The following CBL variants were observed in gnomAD, a reference collection of about 807,000 sequenced individuals.
CBL encodes the protein Cbl proto-oncogene, also known as E3 ubiquitin-protein ligase CBL.
In CBL, 45 loss-of-function variants were observed where a neutral mutation model predicts 96.9. The ratio of observed to expected loss-of-function variants is 0.46; its 90% CI spans 0.37 to 0.60. CBL has a LOEUF of 0.60. Ranked by LOEUF, CBL falls within the 20% of genes least tolerant of loss-of-function variation. The pLI is 0.00. For synonymous variants in CBL, 420 were observed against 426.8 expected (o/e 0.98, Z 0.20); for missense variants, 1,024 against 1,143.5 (o/e 0.90, Z 1.51).
intron 1 of CBL, among the ~76,000 whole-genome samples, chr11:119,224,047 C>T (rs1949435094): frequency 6.6e-6 from 1 of 152,106 alleles, no homozygotes; most frequent in South Asian, 2.1e-4. Context: ...GTGCTGATTT[C>T]CCTGGTCATG....
In CBL at chr11:119,285,207, C is replaced by A; in HGVS notation, c.1582C>A (p.His528Asn). The part of the protein sequence containing the change: ...TASKAASGSL[H>N]KDKPLPVPPT... ...TCCACAGGCTGCTTCTGGCTCCCTT[C>A]ATAAAGACAAACCATTGCCAGTACC... The change falls in exon 11 of 16, where the codon CAT (histidine) becomes AAT (asparagine). Residue 528 changes from histidine (H) to asparagine (N), a missense_variant. Physicochemically the swap from His to Asn is moderately conservative, Grantham distance 68. Transcript: ENST00000264033. The A allele has an allele frequency of 6.2e-7, 1 of 1,614,190 alleles. No homozygotes were observed. The highest frequency in any genetic ancestry group is 8.5e-7 in the Non-Finnish European group (1 of 1,180,040).
rs2135304829 is a variant in CBL at position 119,278,667 on chromosome 11, G to C, written c.1385G>C (p.Arg462Pro). Residue 462 changes from arginine to proline, a missense_variant, in exon 9 of 16, where the codon CGA becomes CCA. This residue lies in a region of CBL where 695 missense variants were observed against 661.6 expected (regional missense o/e 1.05). Coordinates refer to ENST00000264033, the MANE Select transcript of CBL (RefSeq NM_005188.4). ...AATTATGATGATGATGATGATGAAC[G>C]AGCTGATGATACTCTCTTCATGATG... ...SPNYDDDDDE[R>P]ADDTLFMMKE... The C allele has an allele frequency of 6.2e-7, 1 of 1,613,922 alleles. No individual in the cohort carries two copies. Among genetic ancestry groups the C allele is most frequent in the Non-Finnish European group, 8.5e-7 (1 of 1,179,982 alleles).
intron 2 of CBL, among the ~76,000 whole-genome samples, chr11:119,236,599 A>G (rs975139477): frequency 1.2e-5 from 1 of 82,584 alleles, no homozygotes; most frequent in African/African-American, 5.1e-5. Context: ...TTTTGAGTAT[A>G]TATATATATA....
chr11:119,207,677 T>C (rs1949282631), intron 1 of CBL, among the ~76,000 whole-genome samples: 1 of 152,234 alleles, frequency 6.6e-6, no homozygotes, highest in Non-Finnish European at 1.5e-5. Flanking sequence ...CAGAATTCAA[T>C]ACGTTTTCTT....
rs59099916 is a variant in CBL, at chr11:119,277,241, G to GCACACACA, written c.1008-493_1008-486dup. The stretch of plus-strand genomic sequence containing the variant: ...CAAAAAAAAAATAAGAATCTGTCGC[G>GCACACACA]CACACACACACACACACACACACAC... On this transcript the variant is annotated intron_variant, in intron 6 of 15. Coordinates refer to ENST00000264033, the MANE Select transcript of CBL (RefSeq NM_005188.4). Among the ~76,000 whole-genome samples the GCACACACA allele has an allele frequency of 7.4e-3, 1,080 of 146,464 alleles. 15 individuals are homozygous for GCACACACA. The highest frequency in any genetic ancestry group is 0.025 in the African/African-American group (975 of 39,324).
intron 2 of CBL, among the ~76,000 whole-genome samples, chr11:119,259,839 A>G (rs1008395209): frequency 2.2e-4 from 33 of 152,216 alleles, no homozygotes; most frequent in South Asian, 2.1e-4. Flanking sequence ...TACCTGTCAC[A>G]TGGATTTATT....
At chr11:119,271,943 C>CT (rs1403720233) in intron 3 of CBL, 62 bp downstream of exon 3, 15 of 1,485,432 alleles carry the variant, frequency 1.0e-5, no homozygotes, top group Non-Finnish European at 1.3e-5. Context: ...TTTTTCTTTA[C>CT]TTTTTTACTA....
At chr11:119,240,367 AG>A (rs1236322151) in intron 2 of CBL, among the ~76,000 whole-genome samples, 6 of 152,182 alleles carry the variant, frequency 3.9e-5, no homozygotes, top group African/African-American at 7.2e-5. Flanking sequence ...GGTAAGCCTC[AG>A]GAACAACTGA....
intron 1 of CBL, among the ~76,000 whole-genome samples, chr11:119,218,688 C>T (rs1949382935): frequency 6.6e-6 from 1 of 152,146 alleles, no homozygotes; most frequent in South Asian, 2.1e-4. Context: ...ACCTAGTAGT[C>T]ATCTTGATTC....
rs143203293 is a variant in CBL at position 119,303,232 on chromosome 11, C to T, written c.*3451C>T. 223 of 231,902 alleles carry T rather than the reference C, an allele frequency of 9.6e-4. No individual in the cohort carries two copies. Among genetic ancestry groups the T allele is most frequent in the African/African-American group, 4.2e-3 (192 of 45,382 alleles). The allele number at this position is 231,902 out of a possible 1,614,324, so 14.4% of individuals were successfully genotyped here. ...AGCAGAATATTCTCCTACCTCACGT[C>T]ATTAAAGTCAGAAGATTATAGACCT... On this transcript the variant is annotated 3_prime_UTR_variant, in exon 16 of 16. Coordinates refer to ENST00000264033, the MANE Select transcript of CBL (RefSeq NM_005188.4).
intron 2 of CBL, among the ~76,000 whole-genome samples, chr11:119,247,637 C>G (rs1565863916): frequency 6.6e-6 from 1 of 152,070 alleles, no homozygotes; most frequent in Admixed American, 6.6e-5. Context: ...ATGGTGAAAC[C>G]CTGTCTCTAC....
chr11:119,219,405 AAT>A (rs1240718386), intron 1 of CBL, among the ~76,000 whole-genome samples: 6 of 151,868 alleles, frequency 4.0e-5, no homozygotes, highest in Non-Finnish European at 8.8e-5. Flanking sequence ...GAAAGAAAGA[AAT>A]CATACTAGGC....
At chr11:119,215,020 A>C (rs1949347623) in intron 1 of CBL, among the ~76,000 whole-genome samples, 1 of 151,910 alleles carries the variant, frequency 6.6e-6, no homozygotes. Context: ...GCCTATGAAA[A>C]GCTCACCCAA....
At position 119,232,503 on chromosome 11, in the gene CBL, T is replaced by C. The variant is rs779595064; in HGVS notation, c.251T>C (p.Ile84Thr). The change falls in exon 2 of 16, where the codon ATC becomes ACC. Residue 84 changes from isoleucine to threonine, a missense_variant. Physicochemically the swap from Ile to Thr is moderately conservative, Grantham distance 89. Transcript: ENST00000264033. ...KLALKNSPPY[I>T]LDLLPDTYQH... ...GCGCTAAAGAATAGCCCACCTTATATCTTAGACCTGCTACCAGATACCTAC... is the reference window on the plus strand; with the variant it reads ...GCGCTAAAGAATAGCCCACCTTATACCTTAGACCTGCTACCAGATACCTAC... The C allele has an allele frequency of 1.2e-6, 2 of 1,614,088 alleles. No homozygotes were observed. The highest frequency in any genetic ancestry group is 3.3e-5 in the Admixed American group (2 of 60,008).
chr11:119,211,291 G>C (rs1021523664), intron 1 of CBL, among the ~76,000 whole-genome samples: 1 of 151,864 alleles, frequency 6.6e-6, no homozygotes, highest in African/African-American at 2.4e-5. Context: ...AGAATTGCTT[G>C]AACCCGGGAG....
At chr11:119,295,674 T>A (rs1950058411) in intron 12 of CBL, among the ~76,000 whole-genome samples, 2 of 152,190 alleles carry the variant, frequency 1.3e-5, no homozygotes, top group African/African-American at 4.8e-5. Flanking sequence ...CTGCAGTGGG[T>A]TGTCATCATG....
Position 119,276,008 on chromosome 11 carries a change from G to C in CBL, c.881G>C (p.Arg294Pro). The stretch of plus-strand genomic sequence containing the variant: ...ATGTCTGTTCATAGTTATATCTTCC[G>C]GCTGAGCTGTACTCGTCTGGGTCAG... ...FIHKPGSYIF[R>P]LSCTRLGQWA... The change falls in exon 6 of 16, where the codon CGG becomes CCG. Residue 294 changes from arginine (R) to proline (P), a missense_variant. Physicochemically the swap from Arg to Pro is moderately radical, Grantham distance 103. Transcript: ENST00000264033. The C allele has an allele frequency of 6.2e-7, 1 of 1,613,984 alleles. No individual in the cohort carries two copies. The highest frequency in any genetic ancestry group is 8.5e-7 in the Non-Finnish European group (1 of 1,179,952).
At chr11:119,273,774 C>G (rs1949866496) in intron 3 of CBL, 94 bp from the exon 4 acceptor site, 1 of 1,066,962 alleles carries the variant, frequency 9.4e-7, no homozygotes, top group African/African-American at 1.6e-5. Flanking sequence ...GTATTGAGAG[C>G]TTAATGTGGC....
At chr11:119,226,778 T>C (rs907984913) in intron 1 of CBL, among the ~76,000 whole-genome samples, 1 of 152,218 alleles carries the variant, frequency 6.6e-6, no homozygotes, top group Non-Finnish European at 1.5e-5. Context: ...CATTTTGATA[T>C]GGCTATTTGA....
Sources: gnomAD v4.1 joint callset for allele counts (sites outside exome capture counted in the v4.1 genomes callset) on GRCh38, gnomAD v4.1.1 for gene constraint, gnomAD v4.1.1 regional missense constraint, MANE v1.5 for transcripts, NCBI Gene and HGNC (gene_info 2026-07-23, HGNC 2026-07-21) for gene names.